The following RGS6 variants were observed in gnomAD, a reference collection of about 807,000 sequenced individuals.
RGS6 encodes the protein regulator of G-protein signaling 6.
In RGS6, 30 loss-of-function variants were observed where a neutral mutation model predicts 78.5. The ratio of observed to expected loss-of-function variants is 0.38; its 90% confidence interval spans 0.29 to 0.52. The LOEUF (loss-of-function observed/expected upper bound fraction) is 0.52. RGS6 is among the 20% of genes least tolerant of loss of function. The pLI is 0.85. For missense variants in RGS6, 495 were observed against 609.7 expected, an observed-to-expected ratio of 0.81 and a Z score of 1.98; for synonymous variants, 206 against 206.0, an observed-to-expected ratio of 1.00 and a Z score of 0.00.
intron 14 of RGS6, 108 bp from the exon 15 acceptor site, chr14:72,518,243 A>T: frequency 1.9e-6 from 2 of 1,025,944 alleles, no homozygotes; most frequent in Admixed American, 4.5e-5. Context: ...GGGCAGGCTG[A>T]GAGATGCAGC....
intron 2 of RGS6, among the ~76,000 whole-genome samples, chr14:72,007,273 A>G (rs992239712): frequency 2.0e-5 from 3 of 152,148 alleles, no homozygotes; most frequent in African/African-American, 4.8e-5. Context: ...GCCTCCCCAC[A>G]TGGTACGTGA....
intron 2 of RGS6, among the ~76,000 whole-genome samples, chr14:72,339,636 G>A (rs2076627797): frequency 6.6e-6 from 1 of 152,142 alleles, no homozygotes; most frequent in African/African-American, 2.4e-5. Context: ...AACACCATGA[G>A]GGGAAGGACT....
At chr14:72,238,617 T>C (rs1435701975) in intron 2 of RGS6, among the ~76,000 whole-genome samples, 1 of 152,130 alleles carries the variant, frequency 6.6e-6, no homozygotes, top group Admixed American at 6.5e-5. Flanking sequence ...TGTGTATATA[T>C]TGAGGTGAGG....
chr14:72,195,556 A>T (rs1371380163), intron 2 of RGS6, among the ~76,000 whole-genome samples: 2 of 152,192 alleles, frequency 1.3e-5, no homozygotes, highest in Non-Finnish European at 2.9e-5. Context: ...GGAGATGCAG[A>T]AGGAATAGCC....
chr14:72,224,416 C>T (rs1014628365), intron 2 of RGS6, among the ~76,000 whole-genome samples: 1 of 147,492 alleles, frequency 6.8e-6, no homozygotes, highest in Admixed American at 6.8e-5. Flanking sequence ...GACCCTATCT[C>T]AAAAAAAAGA....
In RGS6 at chr14:72,562,674, C is replaced by T. The variant is rs1004395240; in HGVS notation, c.*207C>T. 8.5e-6 allele frequency: 13 copies of T among 1,535,988 alleles called. No homozygotes were observed. Among genetic ancestry groups the T allele is most frequent in the African/African-American group, 2.7e-5 (2 of 73,024 alleles). Reference sequence around the variant, plus strand: ...GAGTCCACAGAGCCTGGGCTGGGCCCGGTGGAGGCTCCTGTTTACAGCCCT... The same window carrying T: ...GAGTCCACAGAGCCTGGGCTGGGCCTGGTGGAGGCTCCTGTTTACAGCCCT... On this transcript the variant is annotated 3_prime_UTR_variant, in exon 18 of 18. Coordinates refer to ENST00000553525, the MANE Select transcript of RGS6 (RefSeq NM_001204424.2).
chr14:72,128,713 G>A (rs1020093051), intron 2 of RGS6, among the ~76,000 whole-genome samples: 1 of 152,162 alleles, frequency 6.6e-6, no homozygotes, highest in African/African-American at 2.4e-5. Flanking sequence ...ATTGACGGAC[G>A]GTAGGAAATC....
chr14:72,032,837 A>C (rs945873688), intron 2 of RGS6, among the ~76,000 whole-genome samples: 1 of 152,176 alleles, frequency 6.6e-6, no homozygotes, highest in African/African-American at 2.4e-5. Flanking sequence ...ATGTATATCA[A>C]ATTTTAAAAT....
intron 2 of RGS6, among the ~76,000 whole-genome samples, chr14:72,273,347 A>G (rs753980263): frequency 6.6e-6 from 1 of 152,114 alleles, no homozygotes; most frequent in Non-Finnish European, 1.5e-5. Flanking sequence ...TCAAAGAATT[A>G]TACATATGCA....
At chr14:72,418,722 T>G (rs1443394161) in intron 3 of RGS6, among the ~76,000 whole-genome samples, 1 of 152,324 alleles carries the variant, frequency 6.6e-6, no homozygotes, top group East Asian at 1.9e-4. Flanking sequence ...TTCTCACCTC[T>G]CTTCATTCCT....
intron 2 of RGS6, among the ~76,000 whole-genome samples, chr14:72,143,886 A>G (rs1360615852): frequency 6.6e-6 from 1 of 152,228 alleles, no homozygotes; most frequent in Admixed American, 6.5e-5. Flanking sequence ...TGTTAATAAT[A>G]TTTATTACCA....
At chr14:72,608,922 T>TA in the RGS6 span, among the ~76,000 whole-genome samples, 1 of 152,164 alleles carries the variant, frequency 6.6e-6, no homozygotes, top group Non-Finnish European at 1.5e-5. Flanking sequence ...CTCTCTCTCT[T>TA]ACACAATGCA....
At chr14:72,254,257 C>T (rs1185885553) in intron 2 of RGS6, among the ~76,000 whole-genome samples, 1 of 152,174 alleles carries the variant, frequency 6.6e-6, no homozygotes, top group Admixed American at 6.5e-5. Flanking sequence ...TTGGATAATG[C>T]TGCACAAGCC....
chr14:71,932,313 C>CGGGCCCAGGTGCCGGGGCCCAGGTGCCG (rs528325417), upstream of RGS6: 2 of 151,440 alleles, frequency 1.3e-5, no homozygotes, highest in South Asian at 2.1e-4. Context: ...GCACGCGGTC[C>CGGGCCCAGGTGCCGGGGCCCAGGTGCCG]GGGCCCAGGT....
chr14:72,265,016 G>T lies in RGS6; in HGVS notation c.85-87079G>T, dbSNP rs542851031. Among the ~76,000 whole-genome samples the T allele has an allele frequency of 2.0e-4, 30 of 152,256 alleles. No homozygotes were observed. In the South Asian group the frequency reaches 6.0e-3, roughly 31 times the overall value. The stretch of plus-strand genomic sequence containing the variant: ...GAGGAGGGGCTTAAAGGATTTTCTG[G>T]TAAATCCAAATGATCACATATGAGC... On this transcript the variant is annotated intron_variant, in intron 2 of 17. Transcript: ENST00000553525.
the RGS6 span, among the ~76,000 whole-genome samples, chr14:71,868,154 A>G: frequency 2.6e-5 from 4 of 152,110 alleles, no homozygotes; most frequent in Admixed American, 6.5e-5. Context: ...GCAAGTCAGG[A>G]GGGGTGTGTC....
chr14:72,432,748 G>T (rs2094705484), intron 3 of RGS6, among the ~76,000 whole-genome samples: 1 of 151,940 alleles, frequency 6.6e-6, no homozygotes, highest in Non-Finnish European at 1.5e-5. Context: ...CCATAAACCT[G>T]GGAAATAAGC....
chr14:72,278,169 T>G (rs913030571), intron 2 of RGS6, among the ~76,000 whole-genome samples: 1 of 152,180 alleles, frequency 6.6e-6, no homozygotes. Context: ...TCAGTTGGTG[T>G]TATCTTTAAC....
chr14:72,545,920 T>G (rs2097392988), intron 17 of RGS6, among the ~76,000 whole-genome samples: 2 of 152,090 alleles, frequency 1.3e-5, no homozygotes. Flanking sequence ...TGTGTGTGTG[T>G]GTGTCAGGTG....
Sources: allele counts gnomAD v4.1 joint callset (sites outside exome capture counted in the v4.1 genomes callset), GRCh38; gene constraint gnomAD v4.1.1; transcripts MANE v1.5; gene names NCBI Gene and HGNC (gene_info 2026-07-23, HGNC 2026-07-21).